SYNPR: variants seen among roughly 807,000 people sequenced by gnomAD.
SYNPR encodes the protein synaptoporin.
In SYNPR, 23 loss-of-function variants were observed where a neutral mutation model predicts 32.9. The ratio of observed to expected loss-of-function variants is 0.70; its 90% CI spans 0.50 to 0.99. The LOEUF (loss-of-function observed/expected upper bound fraction) is 0.99. Ranked by LOEUF, SYNPR falls within the 50% of genes least tolerant of loss-of-function variation. SYNPR has a pLI of 0.00. For missense variants in SYNPR, 318 were observed against 349.3 expected, an observed-to-expected ratio of 0.91 and a Z score of 0.71; for synonymous variants, 146 against 135.9, an observed-to-expected ratio of 1.07 and a Z score of -0.52.
At chr3:63,514,259 A>T (rs1034273003) in intron 3 of SYNPR, among the ~76,000 whole-genome samples, 1 of 152,186 alleles carries the variant, frequency 6.6e-6, no homozygotes, top group Admixed American at 6.5e-5. Flanking sequence ...AGCTGTATTT[A>T]CATTGTAGGC....
intron 2 of SYNPR, among the ~76,000 whole-genome samples, chr3:63,325,838 A>C (rs531966966): frequency 1.0e-3 from 154 of 151,760 alleles, no homozygotes; most frequent in Non-Finnish European, 1.7e-3. Context: ...TTTCCTTCTC[A>C]ACTAGCTTTC....
chr3:63,479,958 C>A (rs976204042), intron 2 of SYNPR, among the ~76,000 whole-genome samples: 1 of 152,168 alleles, frequency 6.6e-6, no homozygotes, highest in Non-Finnish European at 1.5e-5. Flanking sequence ...TGGAATACTG[C>A]AGCATGTTAG....
chr3:63,285,895 C>T (rs1270540168), intron 2 of SYNPR, among the ~76,000 whole-genome samples: 1 of 152,148 alleles, frequency 6.6e-6, no homozygotes, highest in Non-Finnish European at 1.5e-5. Flanking sequence ...TTAGTACCTA[C>T]ACTGTGATAA....
upstream of SYNPR, among the ~76,000 whole-genome samples, chr3:63,276,515 T>TAAAACAAA (rs2086575128): frequency 6.6e-6 from 1 of 152,174 alleles, no homozygotes; most frequent in African/African-American, 2.4e-5. Context: ...TTTTACAGAT[T>TAAAACAAA]AAAACAAAGA....
intron 3 of SYNPR, among the ~76,000 whole-genome samples, chr3:63,556,199 AAGGCCTGGCG>A (rs1408845867): frequency 6.6e-6 from 1 of 152,144 alleles, no homozygotes; most frequent in Non-Finnish European, 1.5e-5. Context: ...GCACCAAGGT[AAGGCCTGGCG>A]AGCCCTGTTA....
chr3:63,372,351 G>T (rs570975299), intron 2 of SYNPR, among the ~76,000 whole-genome samples: 2 of 152,148 alleles, frequency 1.3e-5, no homozygotes, highest in African/African-American at 2.4e-5. Flanking sequence ...AGTAGCAATG[G>T]CTCTGTGTAT....
At chr3:63,277,519 C>A (rs186494624), upstream of SYNPR, among the ~76,000 whole-genome samples, 40 of 152,230 alleles carry the variant, frequency 2.6e-4, no homozygotes, top group African/African-American at 9.6e-4. Flanking sequence ...GGCAAAAGAT[C>A]TCAGTAGAAA....
At chr3:63,318,178 C>G (rs1166120534) in intron 2 of SYNPR, among the ~76,000 whole-genome samples, 1 of 152,018 alleles carries the variant, frequency 6.6e-6, no homozygotes, top group African/African-American at 2.4e-5. Context: ...TGTCTCACAG[C>G]TTTTAAGATT....
chr3:63,394,981 A>G (rs192508176), intron 2 of SYNPR, among the ~76,000 whole-genome samples: 1 of 152,326 alleles, frequency 6.6e-6, no homozygotes, highest in Admixed American at 6.5e-5. Context: ...CTTATTATGC[A>G]TCTACTAATA....
At chr3:63,496,343 C>G (rs1701372746) in intron 3 of SYNPR, among the ~76,000 whole-genome samples, 1 of 152,042 alleles carries the variant, frequency 6.6e-6, no homozygotes, top group Middle Eastern at 3.4e-3. Context: ...CATGTCAACC[C>G]TTATGTCTCT....
At chr3:63,401,174 G>A (rs2088285257) in intron 2 of SYNPR, among the ~76,000 whole-genome samples, 1 of 152,274 alleles carries the variant, frequency 6.6e-6, no homozygotes, top group East Asian at 1.9e-4. Context: ...ACTCATAAAG[G>A]TATTAGAAGG....
intron 3 of SYNPR, among the ~76,000 whole-genome samples, chr3:63,489,733 A>G (rs1701223818): frequency 6.6e-6 from 1 of 152,252 alleles, no homozygotes; most frequent in South Asian, 2.1e-4. Flanking sequence ...GCATATATGC[A>G]TGTACATATT....
chr3:63,612,713 C>A (rs1009297282), intron 5 of SYNPR, among the ~76,000 whole-genome samples: 1 of 152,108 alleles, frequency 6.6e-6, no homozygotes, highest in African/African-American at 2.4e-5. Flanking sequence ...GCCTTGTTTA[C>A]GTTCTTACTT....
intron 4 of SYNPR, among the ~76,000 whole-genome samples, chr3:63,608,859 G>A (rs1700159125): frequency 6.6e-6 from 1 of 152,092 alleles, no homozygotes; most frequent in Non-Finnish European, 1.5e-5. Context: ...GGAACAATTA[G>A]GTGTGGGTTA....
At chr3:63,500,586 G>A (rs1040206869) in intron 3 of SYNPR, among the ~76,000 whole-genome samples, 6 of 152,182 alleles carry the variant, frequency 3.9e-5, no homozygotes, top group Non-Finnish European at 5.9e-5. Flanking sequence ...GGACTGTAAT[G>A]ATCATACAGT....
At chr3:63,487,816 G>A (rs542395390) in intron 3 of SYNPR, among the ~76,000 whole-genome samples, 12 of 152,276 alleles carry the variant, frequency 7.9e-5, no homozygotes, top group African/African-American at 2.6e-4. Flanking sequence ...GGTTGGCATC[G>A]GTGGAGTAGG....
chr3:63,409,099 T>A (rs1485044102), intron 2 of SYNPR, among the ~76,000 whole-genome samples: 1 of 152,144 alleles, frequency 6.6e-6, no homozygotes. Flanking sequence ...CTTGTTCCAA[T>A]GTTATCATGG....
intron 2 of SYNPR, among the ~76,000 whole-genome samples, chr3:63,433,434 T>C (rs749062351): frequency 6.6e-6 from 1 of 152,160 alleles, no homozygotes; most frequent in Non-Finnish European, 1.5e-5. Flanking sequence ...AGAAAACTGG[T>C]TTTTCTCTGC....
chr3:63,208,046 A>C, the SYNPR span, among the ~76,000 whole-genome samples: 2 of 150,108 alleles, frequency 1.3e-5, no homozygotes, highest in South Asian at 2.1e-4. Context: ...CACACACACA[A>C]ACACACACAC....
Sources: allele counts gnomAD v4.1 joint callset (sites outside exome capture counted in the v4.1 genomes callset), GRCh38; gene constraint gnomAD v4.1.1; transcripts MANE v1.5; gene names NCBI Gene and HGNC (gene_info 2026-07-23, HGNC 2026-07-21).